The following GPC6 variants were observed in gnomAD, a reference collection of about 807,000 sequenced individuals.
The protein encoded by GPC6 is glypican 6.
In GPC6, 14 loss-of-function variants were observed where a neutral mutation model predicts 55.2. The observed-to-expected ratio is 0.25, with a 90% CI of 0.17 to 0.40. The LOEUF is 0.40. Among genes scored for constraint, GPC6 ranks in the 10% least tolerant of loss-of-function variants. The pLI is 1.00. For synonymous variants in GPC6, 278 were observed against 259.6 expected (o/e 1.07, Z -0.68); for missense variants, 641 against 708.5 (o/e 0.90, Z 1.08).
chr13:93,248,414 A>G (rs1318324587), intron 1 of GPC6, among the ~76,000 whole-genome samples: 2 of 149,434 alleles, frequency 1.3e-5, no homozygotes, highest in African/African-American at 2.5e-5. Flanking sequence ...AATGTTCTGT[A>G]CTTTAAAAGG....
chr13:94,257,906 A>G (rs1235185973), intron 4 of GPC6, among the ~76,000 whole-genome samples: 1 of 152,246 alleles, frequency 6.6e-6, no homozygotes, highest in Non-Finnish European at 1.5e-5. Context: ...CCAAATGCAT[A>G]TAACCACTAC....
intron 3 of GPC6, among the ~76,000 whole-genome samples, chr13:93,952,532 G>A (rs970732162): frequency 6.6e-6 from 1 of 151,738 alleles, no homozygotes; most frequent in African/African-American, 2.4e-5. Flanking sequence ...TGTCTTTCTT[G>A]TATCATTTAT....
intron 3 of GPC6, among the ~76,000 whole-genome samples, chr13:94,015,483 C>T (rs950951750): frequency 6.6e-6 from 1 of 152,066 alleles, no homozygotes; most frequent in Non-Finnish European, 1.5e-5. Context: ...ATGTTACTTT[C>T]CTGACAGTGT....
chr13:93,764,609 CACCA>C (rs1418304709), intron 2 of GPC6, among the ~76,000 whole-genome samples: 10 of 145,176 alleles, frequency 6.9e-5, no homozygotes, highest in African/African-American at 1.8e-4. Flanking sequence ...CACACACACA[CACCA>C]CACACACTCA....
intron 2 of GPC6, among the ~76,000 whole-genome samples, chr13:93,792,327 T>C (rs1025126391): frequency 3.3e-5 from 5 of 152,258 alleles, no homozygotes; most frequent in Non-Finnish European, 5.9e-5. Context: ...TTTTTCTTTT[T>C]TGAGATGGAG....
intron 4 of GPC6, among the ~76,000 whole-genome samples, chr13:94,236,274 G>A (rs770315150): frequency 2.0e-5 from 3 of 152,088 alleles, no homozygotes; most frequent in East Asian, 1.9e-4. Context: ...ATTAGTTGAC[G>A]GAGCAGCAGC....
chr13:93,791,834 A>T (rs1317827007), intron 2 of GPC6, among the ~76,000 whole-genome samples: 5 of 152,214 alleles, frequency 3.3e-5, no homozygotes, highest in African/African-American at 9.6e-5. Context: ...ATTGAAAACA[A>T]CACTGGGTGA....
intron 4 of GPC6, among the ~76,000 whole-genome samples, chr13:94,118,852 T>A (rs193212988): frequency 2.0e-5 from 3 of 152,178 alleles, no homozygotes; most frequent in African/African-American, 7.2e-5. Flanking sequence ...AAGAAACACT[T>A]CCTGTGCTTT....
At chr13:93,684,440 G>C (rs185332468) in intron 2 of GPC6, among the ~76,000 whole-genome samples, 2 of 152,070 alleles carry the variant, frequency 1.3e-5, no homozygotes, top group South Asian at 4.2e-4. Context: ...CACCTGCCTC[G>C]GCCTCTCAAA....
intron 4 of GPC6, among the ~76,000 whole-genome samples, chr13:94,266,155 T>TG (rs369153633): frequency 7.1e-6 from 1 of 139,972 alleles, no homozygotes; most frequent in African/African-American, 2.7e-5. Flanking sequence ...TCTTTTCTTT[T>TG]TTTTTTTTGT....
At chr13:93,710,355 A>G (rs1337759135) in intron 2 of GPC6, among the ~76,000 whole-genome samples, 1 of 151,820 alleles carries the variant, frequency 6.6e-6, no homozygotes, top group Non-Finnish European at 1.5e-5. Context: ...ACCCAAGGGT[A>G]TCTTGGTACA....
intron 4 of GPC6, among the ~76,000 whole-genome samples, chr13:94,115,353 G>A (rs1337602840): frequency 6.6e-6 from 1 of 151,986 alleles, no homozygotes; most frequent in Non-Finnish European, 1.5e-5. Flanking sequence ...TTGGTGGGGG[G>A]GTGTCAAAGC....
At chr13:94,047,489 C>CA (rs1300878631) in intron 4 of GPC6, among the ~76,000 whole-genome samples, 2 of 151,356 alleles carry the variant, frequency 1.3e-5, no homozygotes, top group Admixed American at 1.3e-4. Context: ...CTTTCTCCTA[C>CA]AAAAAACAAG....
At chr13:93,618,382 C>T (rs893551805) in intron 2 of GPC6, among the ~76,000 whole-genome samples, 9 of 152,136 alleles carry the variant, frequency 5.9e-5, no homozygotes, top group African/African-American at 2.2e-4. Flanking sequence ...TACTTCTGCC[C>T]TAGTATGAAT....
At chr13:94,103,825 C>T (rs1291926686) in intron 4 of GPC6, among the ~76,000 whole-genome samples, 1 of 152,142 alleles carries the variant, frequency 6.6e-6, no homozygotes, top group African/African-American at 2.4e-5. Flanking sequence ...TTCTCCCATT[C>T]TCTAGGTTGC....
intron 4 of GPC6, among the ~76,000 whole-genome samples, chr13:94,158,416 T>G (rs1594000056): frequency 6.7e-6 from 1 of 148,836 alleles, no homozygotes; most frequent in Non-Finnish European, 1.5e-5. Flanking sequence ...AAGAAAAAGA[T>G]GATAACTCAC....
intron 1 of GPC6, among the ~76,000 whole-genome samples, chr13:93,428,533 TG>T (rs1323488455): frequency 6.6e-6 from 1 of 152,152 alleles, no homozygotes; most frequent in Non-Finnish European, 1.5e-5. Context: ...TTCTCTACTC[TG>T]GGGGTGGATT....
At chr13:93,790,009 T>C (rs192039176) in intron 2 of GPC6, among the ~76,000 whole-genome samples, 2 of 152,252 alleles carry the variant, frequency 1.3e-5, no homozygotes, top group Non-Finnish European at 2.9e-5. Flanking sequence ...AAATCTGCTT[T>C]ATAAAATCGG....
At chr13:93,993,228 A>G (rs1268650940) in intron 3 of GPC6, among the ~76,000 whole-genome samples, 2 of 151,724 alleles carry the variant, frequency 1.3e-5, no homozygotes, top group Non-Finnish European at 2.9e-5. Context: ...TTTGCATCCT[A>G]TTCTTTTGTC....
Sources: gnomAD v4.1 joint callset for allele counts (sites outside exome capture counted in the v4.1 genomes callset) on GRCh38, gnomAD v4.1.1 for gene constraint, MANE v1.5 for transcripts, NCBI Gene and HGNC (gene_info 2026-07-23, HGNC 2026-07-21) for gene names.